Variants in SBNO1 observed in about 807,000 individuals in gnomAD.
SBNO1 encodes the protein protein strawberry notch homolog 1.
A neutral mutation model predicts 173.6 loss-of-function variants in SBNO1; 23 were observed. The observed-to-expected ratio is 0.13, with a 90% CI of 0.10 to 0.19. The LOEUF (loss-of-function observed/expected upper bound fraction) is 0.19. SBNO1 is among the 10% of genes least tolerant of loss of function. SBNO1 has a pLI of 1.00. For missense variants in SBNO1, 1,238 were observed against 1,671.2 expected (o/e 0.74, Z 4.52); for synonymous variants, 632 against 571.5 (o/e 1.11, Z -1.51).
Position 123,345,311 on chromosome 12 carries a change from A to G in SBNO1, c.497T>C (p.Leu166Pro). Residue 166 changes from leucine (L) to proline (P), a missense_variant, in exon 4 of 32, where the codon CTG (leucine) becomes CCG (proline). Leu to Pro is a moderately conservative substitution (Grantham distance 98, BLOSUM62 -3). Transcript: ENST00000602398. ...DLLKNNSLNE[L>P]MKLKPPANIA... ...ATTAGCAGGTGGCTTTAGTTTCATCAGTTCATTAAGACTATTATTTTTCAG... is the reference window on the plus strand; with the variant it reads ...ATTAGCAGGTGGCTTTAGTTTCATCGGTTCATTAAGACTATTATTTTTCAG... 1 of 1,614,228 alleles carries G rather than the reference A, an allele frequency of 6.2e-7. No individual in the cohort carries two copies. The highest frequency in any genetic ancestry group is 8.5e-7 in the Non-Finnish European group (1 of 1,180,034).
intron 29 of SBNO1, among the ~76,000 whole-genome samples, chr12:123,303,461 C>A (rs760102960): frequency 6.6e-6 from 1 of 151,984 alleles, no homozygotes; most frequent in Non-Finnish European, 1.5e-5. Context: ...GCCTGGCTAA[C>A]ATGGTGAAAT....
chr12:123,302,041 A>G (rs1004707414), intron 30 of SBNO1, among the ~76,000 whole-genome samples: 8 of 152,018 alleles, frequency 5.3e-5, no homozygotes, highest in South Asian at 2.1e-4. Context: ...CCCGGGTTCA[A>G]ACAATTCTGC....
chr12:123,327,035 T>C (rs538270740), intron 13 of SBNO1, among the ~76,000 whole-genome samples: 1 of 152,192 alleles, frequency 6.6e-6, no homozygotes, highest in Non-Finnish European at 1.5e-5. Context: ...CGATGGAGTA[T>C]CCCTCTGTTA....
At chr12:123,300,023 C>G (rs536604195) in intron 30 of SBNO1, among the ~76,000 whole-genome samples, 1 of 151,780 alleles carries the variant, frequency 6.6e-6, no homozygotes, top group Non-Finnish European at 1.5e-5. Context: ...GGGAGGGGAG[C>G]GAGAGGCTAC....
intron 5 of SBNO1, among the ~76,000 whole-genome samples, chr12:123,337,272 A>G (rs1871964564): frequency 6.6e-6 from 1 of 152,170 alleles, no homozygotes; most frequent in South Asian, 2.1e-4. Flanking sequence ...TTCTTCCTCT[A>G]CAGGATCTTA....
intron 1 of SBNO1, among the ~76,000 whole-genome samples, chr12:123,359,333 C>T (rs1483998517): frequency 6.6e-6 from 1 of 151,512 alleles, no homozygotes; most frequent in African/African-American, 2.4e-5. Context: ...TCACTTGAAG[C>T]CAGGAGTTCG....
rs2049003999 is a variant in SBNO1, at chr12:123,309,518, A to C, written c.3508T>G (p.Ser1170Ala). The change falls in exon 27 of 32, where the codon TCA (serine) becomes GCA (alanine). Residue 1170 changes from serine to alanine, a missense_variant. Coordinates refer to ENST00000602398, the MANE Select transcript of SBNO1 (RefSeq NM_001167856.3). ...TATAATTCTACGTGGCCAGAGGTTG[A>C]ATATCCTGGAGTCAGAAACTTTTTA... is the stretch of plus-strand genomic sequence containing the variant. ...DVKKFLTPGY[S>A]TSGHVELYTI... The C allele has an allele frequency of 1.2e-6, 2 of 1,613,976 alleles. No individual in the cohort carries two copies.
chr12:123,360,547 C>T (rs533526177), intron 1 of SBNO1, among the ~76,000 whole-genome samples: 13 of 151,920 alleles, frequency 8.6e-5, no homozygotes, highest in Non-Finnish European at 1.5e-4. Flanking sequence ...CAGGTTCAAG[C>T]GATTCTCCTG....
chr12:123,354,823 AACCCAAGTTACTAACC>A (rs1245348091), intron 1 of SBNO1, among the ~76,000 whole-genome samples: 1 of 152,150 alleles, frequency 6.6e-6, no homozygotes, highest in Non-Finnish European at 1.5e-5. Context: ...CAGTCTGACA[AACCCAAGTTACTAACC>A]ACGGAAGGTC....
Position 123,327,547 on chromosome 12 carries a change from T to G in SBNO1, c.1571A>C (p.Asp524Ala). 1 of 1,613,870 alleles carries G rather than the reference T, an allele frequency of 6.2e-7. No homozygotes were observed. The highest frequency in any genetic ancestry group is 8.5e-7 in the Non-Finnish European group (1 of 1,179,872). The change falls in exon 13 of 32, where the codon GAT (aspartate) becomes GCT (alanine). Residue 524 changes from aspartate (D) to alanine (A), a missense_variant. Asp to Ala is a moderately radical substitution (Grantham distance 126, BLOSUM62 -2). Transcript: ENST00000602398. ...AATGTACATTCCTCTAAGCTTCATA[T>G]CCATAGCAACTATTTCCATGGCACC... ...GVGAMEIVAM[D>A]MKLRGMYIAR... is the part of the protein sequence containing the mutation.
At position 123,350,271 on chromosome 12, in the gene SBNO1, G is replaced by A. The variant is rs188588603; in HGVS notation, c.132+39C>T. 2.9e-5 allele frequency: 47 copies of A among 1,608,728 alleles called. 1 individual carries two copies. Among genetic ancestry groups the A allele is most frequent in the Admixed American group, 2.2e-4 (13 of 58,904 alleles). On this transcript the variant is annotated intron_variant, in intron 2 of 31. Transcript: ENST00000602398. Reference sequence around the variant, plus strand: ...TATCTTAAAAAAAAATACTGTAAGCGGAAATCACTAAGAAAGAGAGGCTTT... The same window carrying A: ...TATCTTAAAAAAAAATACTGTAAGCAGAAATCACTAAGAAAGAGAGGCTTT...
intron 10 of SBNO1, 75 bp downstream of exon 10, chr12:123,328,659 C>A: frequency 8.7e-7 from 1 of 1,155,190 alleles, no homozygotes; most frequent in Non-Finnish European, 1.2e-6. Flanking sequence ...CTCAAGATTC[C>A]TGTTTCCCAA....
chr12:123,308,313 T>G (rs150782015), intron 28 of SBNO1, among the ~76,000 whole-genome samples: 1 of 151,378 alleles, frequency 6.6e-6, no homozygotes, highest in East Asian at 1.9e-4. Context: ...GAAAAATGAG[T>G]CTTAAAGATA....
At chr12:123,330,392 G>A in intron 9 of SBNO1, 27 bp downstream of exon 9, 1 of 1,265,862 alleles carries the variant, frequency 7.9e-7, no homozygotes, top group South Asian at 1.2e-5. Flanking sequence ...TTTATTGAAT[G>A]ACCAACTGAA....
In SBNO1 at chr12:123,352,954, T is replaced by C. The variant is rs568496216; in HGVS notation, c.1-2513A>G. On this transcript the variant is annotated intron_variant, in intron 1 of 31. Coordinates refer to ENST00000602398, the MANE Select transcript of SBNO1 (RefSeq NM_001167856.3). ...CTGGGACTACAGCCGCCCGCCACCA[T>C]GCCCAGCTAATTTTTTGTATTTTAG... Among the ~76,000 whole-genome samples the C allele has an allele frequency of 5.0e-4, 76 of 152,222 alleles. 3 individuals carry two copies. The South Asian group carries it at 0.015, about 31-fold the overall frequency.
intron 20 of SBNO1, among the ~76,000 whole-genome samples, chr12:123,318,941 A>AC (rs1869631126): frequency 6.6e-6 from 1 of 151,972 alleles, no homozygotes; most frequent in South Asian, 2.1e-4. Context: ...ATTAGATGTC[A>AC]CAACACCAAG....
At chr12:123,311,410 T>A (rs1360597433) in intron 24 of SBNO1, among the ~76,000 whole-genome samples, 1 of 152,148 alleles carries the variant, frequency 6.6e-6, no homozygotes, top group Non-Finnish European at 1.5e-5. Flanking sequence ...AGTCTCACTC[T>A]GTCACCCAGG....
intron 20 of SBNO1, among the ~76,000 whole-genome samples, chr12:123,319,633 T>G (rs912041407): frequency 6.6e-6 from 1 of 151,968 alleles, no homozygotes; most frequent in South Asian, 2.1e-4. Context: ...GGTCTCAAAC[T>G]CCAGAGCTCA....
At chr12:123,358,697 C>A (rs1357507090) in intron 1 of SBNO1, among the ~76,000 whole-genome samples, 1 of 123,454 alleles carries the variant, frequency 8.1e-6, no homozygotes, top group Non-Finnish European at 1.6e-5. Flanking sequence ...GAGCCAAGAT[C>A]GCGCCACTGC....
Sources: allele counts gnomAD v4.1 joint callset (sites outside exome capture counted in the v4.1 genomes callset), GRCh38; gene constraint gnomAD v4.1.1; transcripts MANE v1.5; gene names NCBI Gene and HGNC (gene_info 2026-07-23, HGNC 2026-07-21).